Variants in ANKFN1 observed in about 807,000 individuals in gnomAD.
The protein encoded by ANKFN1 is ankyrin repeat and fibronectin type III domain containing 1.
In ANKFN1, 74 loss-of-function variants were observed where a neutral mutation model predicts 108.7. That is an observed-to-expected ratio of 0.68 (90% CI 0.56 to 0.83). The LOEUF (loss-of-function observed/expected upper bound fraction) is 0.83. ANKFN1 is among the 40% of genes least tolerant of loss of function. The pLI is 0.00. For synonymous variants in ANKFN1, 547 were observed against 516.2 expected, an observed-to-expected ratio of 1.06 and a Z score of -0.81; for missense variants, 1,505 against 1,382.3, an observed-to-expected ratio of 1.09 and a Z score of -1.41.
chr17:56,188,692 G>A (rs1476999053), intron 1 of ANKFN1, among the ~76,000 whole-genome samples: 1 of 148,918 alleles, frequency 6.7e-6, no homozygotes, highest in Non-Finnish European at 1.5e-5. Context: ...CTGAGTGACA[G>A]GGGTATTAGA....
At chr17:56,329,911 T>C (rs914635776) in intron 4 of ANKFN1, among the ~76,000 whole-genome samples, 6 of 151,908 alleles carry the variant, frequency 3.9e-5, no homozygotes, top group African/African-American at 1.5e-4. Flanking sequence ...AGCAAGAGGG[T>C]TCTGTGTTTG....
intron 15 of ANKFN1, chr17:56,473,730 C>G (rs1429902931): frequency 6.6e-6 from 1 of 150,626 alleles, no homozygotes; most frequent in East Asian, 1.9e-4. Flanking sequence ...TCCATTCCCA[C>G]ACATTTCTCA....
intron 8 of ANKFN1, among the ~76,000 whole-genome samples, chr17:56,434,564 T>C (rs1477120027): frequency 1.3e-5 from 2 of 152,184 alleles, no homozygotes; most frequent in East Asian, 3.8e-4. Context: ...CATGCCCCTG[T>C]TCCTAAGACT....
At chr17:56,171,770 A>G (rs533446934) in intron 1 of ANKFN1, among the ~76,000 whole-genome samples, 2 of 152,322 alleles carry the variant, frequency 1.3e-5, no homozygotes, top group South Asian at 2.1e-4. Context: ...CCAGGCACAG[A>G]TGAGAAGATA....
At chr17:56,465,343 G>T (rs947354931) in intron 14 of ANKFN1, among the ~76,000 whole-genome samples, 5 of 152,220 alleles carry the variant, frequency 3.3e-5, no homozygotes, top group Non-Finnish European at 1.5e-5. Flanking sequence ...TAAGGAAGAA[G>T]ATAAGGTTTC....
rs779794708 is a variant in ANKFN1 at position 56,513,468 on chromosome 17, A to G, written c.*2199A>G. On this transcript the variant is annotated 3_prime_UTR_variant, in exon 21 of 21. Transcript: ENST00000682825. Reference sequence around the variant, plus strand: ...GTTTCTACTTATTTCTAATTATAAAATGGATTACTTTGTTCAATGAGTTTG... The same window carrying G: ...GTTTCTACTTATTTCTAATTATAAAGTGGATTACTTTGTTCAATGAGTTTG... Among the ~76,000 whole-genome samples the G allele has an allele frequency of 6.6e-6, 1 of 152,222 alleles. No individual in the cohort carries two copies. Among genetic ancestry groups the G allele is most frequent in the African/African-American group, 2.4e-5 (1 of 41,462 alleles).
At chr17:56,160,819 A>T (rs1372600481) in intron 1 of ANKFN1, among the ~76,000 whole-genome samples, 2 of 152,212 alleles carry the variant, frequency 1.3e-5, no homozygotes, top group Non-Finnish European at 2.9e-5. Flanking sequence ...CCAGGCTCAG[A>T]AATAAAACAG....
intron 6 of ANKFN1, among the ~76,000 whole-genome samples, chr17:56,372,378 G>C (rs553272660): frequency 6.6e-6 from 1 of 152,288 alleles, no homozygotes; most frequent in South Asian, 2.1e-4. Flanking sequence ...AATTAGCTAA[G>C]TTAAGCAGCT....
rs187401240 is a variant in ANKFN1, at chr17:56,091,889, T to C, written c.288+45564T>C. On this transcript the variant is annotated intron_variant, in intron 4 of 12. Coordinates refer to the ANKFN1 transcript ENST00000635860. ...TATATGTAAACTTCATGTGTGTACA[T>C]GGAGAGGGACAGGGAGAGTATCATT... Among the ~76,000 whole-genome samples the C allele has an allele frequency of 2.0e-5, 3 of 151,554 alleles. No individual in the cohort carries two copies. The East Asian group carries it at 5.8e-4, about 29-fold the overall frequency.
intron 3 of ANKFN1, among the ~76,000 whole-genome samples, chr17:56,264,392 T>C (rs1050732585): frequency 6.6e-6 from 1 of 152,240 alleles, no homozygotes; most frequent in African/African-American, 2.4e-5. Flanking sequence ...ACAAGCCTAC[T>C]CTGCCTGTTA....
chr17:56,418,312 T>C (rs2048300438), intron 8 of ANKFN1, among the ~76,000 whole-genome samples: 1 of 152,238 alleles, frequency 6.6e-6, no homozygotes, highest in African/African-American at 2.4e-5. Flanking sequence ...TTTGGCCTTA[T>C]GGATCTTTTG....
chr17:56,140,233 T>C (rs1266145019), intron 4 of ANKFN1, among the ~76,000 whole-genome samples: 1 of 152,226 alleles, frequency 6.6e-6, no homozygotes, highest in Admixed American at 6.5e-5. Flanking sequence ...TAACCTTTTT[T>C]TTCATATCTA....
chr17:56,505,435 T>C (rs2051523621), intron 20 of ANKFN1, among the ~76,000 whole-genome samples: 1 of 152,238 alleles, frequency 6.6e-6, no homozygotes, highest in Non-Finnish European at 1.5e-5. Flanking sequence ...GAGGTCTTCA[T>C]AGTCCACTCA....
At chr17:56,217,131 C>T (rs780026365) in intron 2 of ANKFN1, among the ~76,000 whole-genome samples, 5 of 152,080 alleles carry the variant, frequency 3.3e-5, no homozygotes, top group South Asian at 2.1e-4. Flanking sequence ...GGATTGAATA[C>T]GAAGCATCCC....
chr17:56,098,422 A>ACT (rs1905573865), intron 4 of ANKFN1, among the ~76,000 whole-genome samples: 1 of 145,448 alleles, frequency 6.9e-6, no homozygotes, highest in African/African-American at 2.8e-5. Flanking sequence ...ACACAAACAC[A>ACT]CACACACACA....
chr17:56,495,303 T>G (rs2051164481), intron 19 of ANKFN1, among the ~76,000 whole-genome samples: 1 of 147,264 alleles, frequency 6.8e-6, no homozygotes, highest in South Asian at 2.2e-4. Context: ...CCCTTTATGT[T>G]GACTTTGTGG....
At position 56,174,135 on chromosome 17, in the gene ANKFN1, G is replaced by T. The variant is rs983644066; in HGVS notation, c.-71+20605G>T. 11 of 961,656 alleles carry T rather than the reference G, an allele frequency of 1.1e-5. No individual in the cohort carries two copies. In the African/African-American group the frequency reaches 1.8e-4, roughly 15 times the overall value. 59.6% of individuals were successfully genotyped at this position (961,656 alleles called of 1,614,324 possible). Reference sequence around the variant, plus strand: ...CTTGACATTGTGGGTGGTGCAGTTGGGAGGGGAGGGACTGCATTCATTCTC... The same window carrying T: ...CTTGACATTGTGGGTGGTGCAGTTGTGAGGGGAGGGACTGCATTCATTCTC... On this transcript the variant is annotated intron_variant, in intron 1 of 20. Coordinates refer to ENST00000682825, the MANE Select transcript of ANKFN1 (RefSeq NM_001370326.1).
intron 4 of ANKFN1, among the ~76,000 whole-genome samples, chr17:56,064,955 C>T (rs1905037888): frequency 6.6e-6 from 1 of 152,178 alleles, no homozygotes; most frequent in African/African-American, 2.4e-5. Context: ...CCTTCCTTGG[C>T]AGGGGTGGGG....
chr17:56,344,774 T>C (rs1190689560), intron 4 of ANKFN1, among the ~76,000 whole-genome samples: 1 of 151,968 alleles, frequency 6.6e-6, no homozygotes, highest in Admixed American at 6.6e-5. Context: ...CCCAGACAGA[T>C]GAAATAATGA....
Sources: allele counts gnomAD v4.1 joint callset (sites outside exome capture counted in the v4.1 genomes callset), GRCh38; gene constraint gnomAD v4.1.1; transcripts MANE v1.5; gene names NCBI Gene and HGNC (gene_info 2026-07-23, HGNC 2026-07-21).